Variants in MAP1LC3A observed in about 807,000 individuals in gnomAD.
MAP1LC3A encodes microtubule-associated protein 1 light chain 3 alpha.
MAP1LC3A carries 10 observed loss-of-function variants against 15.2 expected under a neutral mutation model. The ratio of observed to expected loss-of-function variants is 0.66; its 90% CI spans 0.41 to 1.12. The LOEUF is 1.12. Ranked by LOEUF, MAP1LC3A falls within the 50% of genes most tolerant of loss-of-function variation. The pLI is 0.00. For synonymous variants in MAP1LC3A, 63 were observed against 64.3 expected (o/e 0.98, Z 0.10); for missense variants, 138 against 167.3 (o/e 0.82, Z 0.97).
chr20:34,558,881 C>A lies in MAP1LC3A; in HGVS notation c.13C>A (p.Arg5=). The A allele has an allele frequency of 1.4e-6, 2 of 1,431,670 alleles. No individual in the cohort carries two copies. The highest frequency in any genetic ancestry group is 5.9e-5 in the Admixed American group (2 of 33,888). The allele number at this position is 1,431,670 out of a possible 1,614,324, so 88.7% of individuals were successfully genotyped here. Residue 5 remains arginine, a synonymous_variant, in exon 1 of 4, where the codon CGG becomes AGG. Coordinates refer to ENST00000360668, the MANE Select transcript of MAP1LC3A (RefSeq NM_032514.4). The surrounding 1 kb of genome is among the most constrained non-coding windows in gnomAD (Gnocchi z 4.3). MPSD[R]PFKQRRSFAD... ...CCGGGCCCGCGCGATGCCCTCAGACCGGCCTTTCAAGCAGCGGCGGAGCTT... is the reference window on the plus strand; with the variant it reads ...CCGGGCCCGCGCGATGCCCTCAGACAGGCCTTTCAAGCAGCGGCGGAGCTT...
chr20:34,553,358 G>A (rs2146673538), intron 2 of MAP1LC3A, among the ~76,000 whole-genome samples: 1 of 152,204 alleles, frequency 6.6e-6, no homozygotes, highest in South Asian at 2.1e-4. Context: ...TCAGGCCACT[G>A]GATTCAGGGG....
rs1982333225 is a variant in MAP1LC3A at position 34,559,416 on chromosome 20, G to C, written c.166G>C (p.Asp56His). Reference protein sequence around the residue: ...VLDKTKFLVPDHVNMSELVKI... With the variant: ...VLDKTKFLVPHHVNMSELVKI... ...GGACAAGACCAAGTTTTTGGTCCCG[G>C]ACCATGTCAACATGAGCGAGTTGGT... The change falls in exon 3 of 4, where the codon GAC (aspartate) becomes CAC (histidine). Residue 56 changes from aspartate to histidine, a missense_variant. Transcript: ENST00000360668. The C allele has an allele frequency of 6.2e-7, 1 of 1,613,412 alleles. No homozygotes were observed. The highest frequency in any genetic ancestry group is 8.5e-7 in the Non-Finnish European group (1 of 1,179,812).
Sources: gnomAD v4.1 joint callset for allele counts (sites outside exome capture counted in the v4.1 genomes callset) on GRCh38, gnomAD v4.1.1 for gene constraint, Gnocchi (gnomAD v3.1) non-coding constraint, MANE v1.5 for transcripts, NCBI Gene and HGNC (gene_info 2026-07-23, HGNC 2026-07-21) for gene names.